APOLD1: variants seen among roughly 807,000 people sequenced by gnomAD.
The protein encoded by APOLD1 is apolipoprotein L domain containing 1, also known as apolipoprotein L domain-containing protein 1.
In APOLD1, 22 loss-of-function variants were observed where a neutral mutation model predicts 15.3. The observed-to-expected ratio is 1.44, with a 90% CI of 1.03 to 2.05. The LOEUF is 2.05. Among genes scored for constraint, APOLD1 ranks in the 30% most tolerant of loss-of-function variants. The probability of loss-of-function intolerance (pLI) is 0.00; values close to 1 mark genes in which losing one functional copy is unlikely to be tolerated. For missense variants in APOLD1, 394 were observed against 353.5 expected (o/e 1.11, Z -0.92); for synonymous variants, 190 against 167.4 (o/e 1.13, Z -1.04).
chr12:12,790,649 G>A lies in APOLD1; in HGVS notation c.*2997G>A, dbSNP rs919607963. ...TAAGGAAGAGTGTCTACTTTGGAAC[G>A]ATACTTTGCACATAGTAGGAACTCA... is the stretch of plus-strand genomic sequence containing the variant. On this transcript the variant is annotated 3_prime_UTR_variant, in exon 2 of 2. Coordinates refer to ENST00000356591, the MANE Select transcript of APOLD1 (RefSeq NM_030817.3). 10 of 152,250 alleles carry A rather than the reference G, an allele frequency of 6.6e-5. No homozygotes were observed. The highest frequency in any genetic ancestry group is 5.8e-4 in the East Asian group (3 of 5,184). 9.4% of individuals were successfully genotyped at this position (152,250 alleles called of 1,614,324 possible).
chr12:12,726,358 T>C (rs1216417685), intron 1 of APOLD1: 6 of 565,208 alleles, frequency 1.1e-5, no homozygotes, highest in Non-Finnish European at 2.0e-5. Context: ...ACTTTTGAAG[T>C]GCCTTTGATT....
chr12:12,732,558 C>T (rs1946647916), intron 1 of APOLD1, among the ~76,000 whole-genome samples: 1 of 151,926 alleles, frequency 6.6e-6, no homozygotes, highest in African/African-American at 2.4e-5. Context: ...AACCCCGTCT[C>T]TACTAAAAGT....
chr12:12,754,490 C>A (rs1407246010), intron 1 of APOLD1, among the ~76,000 whole-genome samples: 1 of 151,834 alleles, frequency 6.6e-6, no homozygotes, highest in African/African-American at 2.4e-5. Context: ...TGCTCTGTCA[C>A]CCAGGCTGGA....
chr12:12,738,112 T>A (rs1385430698), intron 1 of APOLD1, among the ~76,000 whole-genome samples: 1 of 152,094 alleles, frequency 6.6e-6, no homozygotes, highest in Non-Finnish European at 1.5e-5. Context: ...ATGTGTTCAC[T>A]ATTTTATTAT....
At chr12:12,741,686 A>T (rs939384638) in intron 1 of APOLD1, among the ~76,000 whole-genome samples, 2 of 152,258 alleles carry the variant, frequency 1.3e-5, no homozygotes, top group Non-Finnish European at 2.9e-5. Flanking sequence ...ACAGTCTGAT[A>T]CGCAGAGAGA....
chr12:12,782,279 A>AAACC, upstream of APOLD1, among the ~76,000 whole-genome samples: 1 of 152,034 alleles, frequency 6.6e-6, no homozygotes, highest in Middle Eastern at 3.4e-3. Context: ...ACAAACAAAC[A>AAACC]AACAAACAAA....
At chr12:12,748,587 TATC>T (rs1386325836) in intron 1 of APOLD1, among the ~76,000 whole-genome samples, 4 of 152,248 alleles carry the variant, frequency 2.6e-5, no homozygotes, top group Non-Finnish European at 4.4e-5. Context: ...CTCAAACACT[TATC>T]ATTTTTTTGG....
intron 1 of APOLD1, among the ~76,000 whole-genome samples, chr12:12,741,121 A>G (rs1352912426): frequency 6.6e-6 from 1 of 152,074 alleles, no homozygotes. Context: ...TTCCCTCCCC[A>G]TTTGGAAAAA....
intron 1 of APOLD1, among the ~76,000 whole-genome samples, chr12:12,730,059 TGTGTGTGTGTGTGTGTGTGAGA>T (rs879546332): frequency 0.021 from 2,272 of 106,482 alleles, 22 homozygotes; most frequent in African/African-American, 0.031. Flanking sequence ...TGTGTGTGTG[TGTGTGTGTGTGTGTGTGTGAGA>T]GAGAGAGAGA....
In APOLD1 at chr12:12,791,078, C is replaced by T. The variant is rs1339270773; in HGVS notation, c.*3426C>T. 2 of 152,306 alleles carry T rather than the reference C, an allele frequency of 1.3e-5. No individual in the cohort carries two copies. The highest frequency in any genetic ancestry group is 3.9e-4 in the East Asian group (2 of 5,188). The allele number at this position is 152,306 out of a possible 1,614,324, so 9.4% of individuals were successfully genotyped here. On this transcript the variant is annotated 3_prime_UTR_variant, in exon 2 of 2. Transcript: ENST00000356591. ...GTTCTGTTTCACAATAAAGGAGATTCACTGGGTTCTGCATTTTCAGGATTC... is the reference window on the plus strand; with the variant it reads ...GTTCTGTTTCACAATAAAGGAGATTTACTGGGTTCTGCATTTTCAGGATTC...
At chr12:12,750,835 C>T (rs1010595760) in intron 1 of APOLD1, among the ~76,000 whole-genome samples, 7 of 152,020 alleles carry the variant, frequency 4.6e-5, no homozygotes, top group Admixed American at 2.0e-4. Context: ...AGTGCAATGG[C>T]GTGATCACAG....
rs1008578592 is a variant in APOLD1 at position 12,766,972 on chromosome 12, G to A, written c.97-19937G>A. Among the ~76,000 whole-genome samples, 5 of 151,962 alleles carry A rather than the reference G, an allele frequency of 3.3e-5. No individual in the cohort carries two copies. In the South Asian group the frequency reaches 6.2e-4, roughly 19 times the overall value. On this transcript the variant is annotated intron_variant, in intron 1 of 1. Transcript: ENST00000326765. ...TAAGAGTTGGCCCCCTGGGCTGGGT[G>A]CAGTGGCTCATGCCTGTAATCTCAG...
chr12:12,790,692 A>T lies in APOLD1; in HGVS notation c.*3040A>T. 6.6e-6 allele frequency: 1 copy of T among 152,232 alleles called. No individual in the cohort carries two copies. Among genetic ancestry groups the T allele is most frequent in the East Asian group, 1.9e-4 (1 of 5,202 alleles). The allele number at this position is 152,232 out of a possible 1,614,324, so 9.4% of individuals were successfully genotyped here. A position where few individuals can be genotyped will look rare whatever the true frequency, so the allele number is the denominator to read the frequency against. On this transcript the variant is annotated 3_prime_UTR_variant, in exon 2 of 2. Transcript: ENST00000356591. ...GGAACTCAAGAAATACATTTGAATA[A>T]TTATAATTAACTGTTTAGCTATCTT...
Position 12,731,132 on chromosome 12 carries a change from C to T in APOLD1, c.96+5036C>T, listed in dbSNP as rs149713111. ...CTCCAGCCTGGGCGACAGAGCAAGA[C>T]GCCATCTCAAAAAAACAAACAAACA... On this transcript the variant is annotated intron_variant, in intron 1 of 1. Coordinates refer to the APOLD1 transcript ENST00000326765. Among the ~76,000 whole-genome samples the T allele has an allele frequency of 6.0e-4, 92 of 152,162 alleles. 1 individual carries two copies. In the East Asian group the frequency reaches 9.6e-3, roughly 16 times the overall value.
exon 1 of APOLD1, chr12:12,725,986 C>T (rs1946587633): frequency 6.7e-7 from 1 of 1,493,588 alleles, no homozygotes; most frequent in South Asian, 1.3e-5. Flanking sequence ...GAGATGTAAC[C>T]CAACTCGTTC....
chr12:12,774,883 C>T (rs1049345262), intron 1 of APOLD1, among the ~76,000 whole-genome samples: 2 of 152,158 alleles, frequency 1.3e-5, no homozygotes, highest in African/African-American at 4.8e-5. Context: ...GTTTGGAAGA[C>T]AGTTTGGCAG....
chr12:12,751,067 G>A (rs1163892787), intron 1 of APOLD1, among the ~76,000 whole-genome samples: 1 of 151,958 alleles, frequency 6.6e-6, no homozygotes. Context: ...AGGATCACAG[G>A]TGTGAGCCAC....
intron 1 of APOLD1, among the ~76,000 whole-genome samples, chr12:12,732,050 T>C (rs913831183): frequency 6.6e-6 from 1 of 152,234 alleles, no homozygotes; most frequent in Admixed American, 6.5e-5. Flanking sequence ...CCATTCCTGC[T>C]TTTAAGTTTA....
At chr12:12,729,789 A>C (rs1374813966) in intron 1 of APOLD1, among the ~76,000 whole-genome samples, 1 of 151,688 alleles carries the variant, frequency 6.6e-6, no homozygotes, top group Admixed American at 6.6e-5. Flanking sequence ...ATAATATAAA[A>C]ATAATTTAAA....
Sources: gnomAD v4.1 joint callset for allele counts (sites outside exome capture counted in the v4.1 genomes callset) on GRCh38, gnomAD v4.1.1 for gene constraint, MANE v1.5 for transcripts, NCBI Gene and HGNC (gene_info 2026-07-23, HGNC 2026-07-21) for gene names.